The following HELQ variants were observed in gnomAD, a reference collection of about 807,000 sequenced individuals.
The protein encoded by HELQ is helicase POLQ-like.
In HELQ, 77 loss-of-function variants were observed where a neutral mutation model predicts 111.6. That is an observed-to-expected ratio of 0.69 (90% CI 0.57 to 0.83). HELQ has a LOEUF of 0.83. HELQ is among the 40% of genes least tolerant of loss of function. The probability of loss-of-function intolerance (pLI) is 0.00; values close to 1 mark genes in which losing one functional copy is unlikely to be tolerated. For synonymous variants in HELQ, 438 were observed against 454.7 expected (o/e 0.96, Z 0.47); for missense variants, 1,200 against 1,288.5 (o/e 0.93, Z 1.05).
At position 83,455,407 on chromosome 4, in the gene HELQ, A is replaced by AC; in HGVS notation, c.286dup (p.Val96GlyfsTer6). On this transcript the variant is annotated frameshift_variant, in exon 1 of 18. Transcript: ENST00000295488. LOFTEE classifies it high-confidence loss of function. Reference sequence around the variant, plus strand: ...CCAAGTCCTCCGTACCTGGTCTCCCACCCCTCTGTCAGTGGGCATGTGACG... The same window carrying AC: ...CCAAGTCCTCCGTACCTGGTCTCCCACCCCCTCTGTCAGTGGGCATGTGACG... 1 of 1,612,098 alleles carries AC rather than the reference A, an allele frequency of 6.2e-7. No homozygotes were observed. The highest frequency in any genetic ancestry group is 8.5e-7 in the Non-Finnish European group (1 of 1,178,356).
chr4:83,453,098 T>C (rs912814389), intron 2 of HELQ, 133 bp downstream of exon 2: 74 of 618,042 alleles, frequency 1.2e-4, no homozygotes, highest in Admixed American at 9.2e-5. Flanking sequence ...TGGAAGGGGC[T>C]GAGAGATCAC....
chr4:83,433,494 C>T (rs911874957), intron 9 of HELQ, among the ~76,000 whole-genome samples: 3 of 151,764 alleles, frequency 2.0e-5, no homozygotes, highest in Non-Finnish European at 2.9e-5. Flanking sequence ...AGTGAAACCC[C>T]GTCTCTACTA....
rs781357656 is a variant in HELQ at position 83,416,783 on chromosome 4, G to C, written c.3146C>G (p.Thr1049Arg). 3.1e-6 allele frequency: 5 copies of C among 1,613,906 alleles called. No individual in the cohort carries two copies. Among genetic ancestry groups the C allele is most frequent in the Non-Finnish European group, 4.2e-6 (5 of 1,179,854 alleles). ...TTGGCGTCTTGATAAATGATCAATT[G>C]TCCTTACGAGCACTTCAGGATTTGC... ...ANANPEVLVR[T>R]IDHLSRRQAK... The change falls in exon 17 of 18, where the codon ACA becomes AGA. Residue 1049 changes from threonine (T) to arginine (R), a missense_variant. Physicochemically the swap from Thr to Arg is moderately conservative, Grantham distance 71 (BLOSUM62 -1). This residue lies in a region of HELQ where 585 missense variants were observed against 665.3 expected (regional missense o/e 0.88). Transcript: ENST00000295488.
At chr4:83,435,745 T>C (rs1164814417) in intron 9 of HELQ, among the ~76,000 whole-genome samples, 1 of 152,128 alleles carries the variant, frequency 6.6e-6, no homozygotes, top group Non-Finnish European at 1.5e-5. Context: ...GAGTAGAATA[T>C]ACTAAGGACA....
intron 14 of HELQ, among the ~76,000 whole-genome samples, chr4:83,425,706 C>G (rs535177129): frequency 2.0e-5 from 3 of 152,078 alleles, no homozygotes; most frequent in Admixed American, 2.0e-4. Context: ...TGTATTTCCT[C>G]GTTTGAATTG....
At chr4:83,454,605 T>G (rs1189601729) in intron 1 of HELQ, among the ~76,000 whole-genome samples, 2 of 151,528 alleles carry the variant, frequency 1.3e-5, no homozygotes, top group Admixed American at 6.6e-5. Context: ...TTTTTTTTTT[T>G]GTAGAGACTG....
rs1324716327 is a variant in HELQ at position 83,431,720 on chromosome 4, C to T, written c.2239G>A (p.Val747Ile). 6.4e-7 allele frequency: 1 copy of T among 1,553,546 alleles called. No homozygotes were observed. The highest frequency in any genetic ancestry group is 8.7e-7 in the Non-Finnish European group (1 of 1,148,536). ...TGGATTCCCTTGGTGAATTCCTGAA[C>T]AAGATGGCTGTAACAGTTTTCCAAT... ...KPLENCYSHLVQEFTKGIQTL... is the reference protein window; with the variant it reads ...KPLENCYSHLIQEFTKGIQTL... Residue 747 changes from valine (V) to isoleucine (I), a missense_variant, in exon 11 of 18, where the codon GTT (valine) becomes ATT (isoleucine). Around this residue, in one of 3 missense-constraint regions of HELQ, gnomAD observed 585 missense variants for 665.3 expected, o/e 0.88. Transcript: ENST00000295488.
At chr4:83,426,573 T>TC (rs71668648) in intron 13 of HELQ, among the ~76,000 whole-genome samples, 4 of 68,452 alleles carry the variant, frequency 5.8e-5, no homozygotes, top group Non-Finnish European at 1.7e-4. Context: ...TCTGTTTTTG[T>TC]TTTTTTTTTT....
chr4:83,408,906 A>G (rs17006802), intron 17 of HELQ, among the ~76,000 whole-genome samples: 13,675 of 152,248 alleles, frequency 0.09, 711 homozygotes, highest in Middle Eastern at 0.13. Context: ...CATTGTTTAT[A>G]GGAAGATATT....
chr4:83,450,352 G>A (rs1457617120), intron 2 of HELQ, among the ~76,000 whole-genome samples: 3 of 143,302 alleles, frequency 2.1e-5, no homozygotes, highest in Non-Finnish European at 1.5e-5. Flanking sequence ...TTCAAGATGA[G>A]CCCATCTCTA....
Position 83,416,798 on chromosome 4 carries a change from T to C in HELQ, c.3131A>G (p.Glu1044Gly), listed in dbSNP as rs761963860. The change falls in exon 17 of 18, where the codon GAA becomes GGA. Residue 1044 changes from glutamate (E) to glycine (G), a missense_variant. Transcript: ENST00000295488. Reference protein sequence around the residue: ...SLMHLANANPEVLVRTIDHLS... With the variant: ...SLMHLANANPGVLVRTIDHLS... The stretch of plus-strand genomic sequence containing the variant: ...ATGATCAATTGTCCTTACGAGCACT[T>C]CAGGATTTGCATTAGCTAAGTGCAT... The C allele has an allele frequency of 1.2e-6, 2 of 1,613,974 alleles. No homozygotes were observed. Among genetic ancestry groups the C allele is most frequent in the East Asian group, 4.5e-5 (2 of 44,860 alleles).
chr4:83,455,064 C>T (rs1721675637), intron 1 of HELQ, among the ~76,000 whole-genome samples: 1 of 152,100 alleles, frequency 6.6e-6, no homozygotes, highest in African/African-American at 2.4e-5. Context: ...TGATTACTGT[C>T]GTAAAATCTA....
chr4:83,407,748 T>G (rs567736918), intron 17 of HELQ, among the ~76,000 whole-genome samples, 188 bp from the exon 18 acceptor site: 59 of 152,332 alleles, frequency 3.9e-4, no homozygotes, highest in African/African-American at 1.4e-3. Context: ...GGCATTTAGT[T>G]AAAACCATTT....
rs745667801 is a variant in HELQ at position 83,432,286 on chromosome 4, A to T, written c.2049-19T>A. ...AATAACTCTGTGGAATTAATGAAAA[A>T]TGATACTCTACAGCAAACAGCACCA... On this transcript the variant is annotated intron_variant, in intron 9 of 17. Coordinates refer to ENST00000295488, the MANE Select transcript of HELQ (RefSeq NM_133636.5). 1 of 1,525,722 alleles carries T rather than the reference A, an allele frequency of 6.6e-7. No individual in the cohort carries two copies. Among genetic ancestry groups the T allele is most frequent in the South Asian group, 1.3e-5 (1 of 75,088 alleles). The allele number at this position is 1,525,722 out of a possible 1,614,324, so 94.5% of individuals were successfully genotyped here.
At position 83,421,730 on chromosome 4, in the gene HELQ, C is replaced by G. The variant is rs773869238; in HGVS notation, c.2782G>C (p.Asp928His). 1.9e-6 allele frequency: 3 copies of G among 1,612,078 alleles called. No individual in the cohort carries two copies. The highest frequency in any genetic ancestry group is 3.4e-5 in the Admixed American group (2 of 59,616). The part of the protein sequence containing the change: ...ASGQAIGKKV[D>H]KNVVNRLYLS... ...TATAGCCTGTTGACAACGTTCTTGTCCACCTTCTAGAAAGACACAATCAAA... is the reference window on the plus strand; with the variant it reads ...TATAGCCTGTTGACAACGTTCTTGTGCACCTTCTAGAAAGACACAATCAAA... Residue 928 changes from aspartate (D) to histidine (H), a missense_variant, in exon 15 of 18, where the codon GAC becomes CAC. By Grantham distance (81) the Asp-to-His change is moderately conservative. This residue lies in a region of HELQ where 585 missense variants were observed against 665.3 expected (regional missense o/e 0.88). Coordinates refer to ENST00000295488, the MANE Select transcript of HELQ (RefSeq NM_133636.5).
At position 83,453,346 on chromosome 4, in the gene HELQ, A is replaced by T. The variant is rs757771958; in HGVS notation, c.897T>A (p.Ile299=). 6.2e-7 allele frequency: 1 copy of T among 1,613,482 alleles called. No homozygotes were observed. Among genetic ancestry groups the T allele is most frequent in the East Asian group, 2.2e-5 (1 of 44,878 alleles). ...QLKDTLLSEE[I]NVAKKTVESS... The stretch of plus-strand genomic sequence containing the variant: ...ACTCAACTGTTTTCTTAGCAACATT[A>T]ATTTCCTCAGATAGGAGAGTGTCTT... The change falls in exon 2 of 18, where the codon ATT becomes ATA. Residue 299 remains isoleucine, a synonymous_variant. Coordinates refer to ENST00000295488, the MANE Select transcript of HELQ (RefSeq NM_133636.5).
At chr4:83,418,274 T>C in intron 15 of HELQ, 68 bp from the exon 16 acceptor site, 2 of 823,764 alleles carry the variant, frequency 2.4e-6, no homozygotes, top group Non-Finnish European at 2.0e-6. Context: ...GTTTGTGTGA[T>C]AGGGGGCTCA....
At chr4:83,444,060 C>G (rs979506432) in intron 5 of HELQ, among the ~76,000 whole-genome samples, 1 of 152,028 alleles carries the variant, frequency 6.6e-6, no homozygotes, top group Non-Finnish European at 1.5e-5. Context: ...AAGAAAACTA[C>G]AAATATATTA....
Position 83,447,201 on chromosome 4 carries a change from G to A in HELQ, c.1192-166C>T, listed in dbSNP as rs766507323. The stretch of plus-strand genomic sequence containing the variant: ...CATCTCTATAAAAAATAAAAAATTC[G>A]CTGGCTGTGGTGGCACAGGCCTGTA... On this transcript the variant is annotated intron_variant, in intron 3 of 17. Coordinates refer to ENST00000295488, the MANE Select transcript of HELQ (RefSeq NM_133636.5). Among the ~76,000 whole-genome samples the A allele has an allele frequency of 3.9e-5, 6 of 152,038 alleles. No homozygotes were observed. In the South Asian group the frequency reaches 1.2e-3, roughly 32 times the overall value.
Sources: allele counts gnomAD v4.1 joint callset (sites outside exome capture counted in the v4.1 genomes callset), GRCh38; gene constraint gnomAD v4.1.1; regional missense constraint gnomAD v4.1.1; transcripts MANE v1.5; gene names NCBI Gene and HGNC (gene_info 2026-07-23, HGNC 2026-07-21).